The following LMBRD1 variants were observed in gnomAD, a reference collection of about 807,000 sequenced individuals.
The protein encoded by LMBRD1 is LMBR1 domain containing 1, also known as lysosomal cobalamin transport escort protein LMBD1.
In LMBRD1, 64 loss-of-function variants were observed where a neutral mutation model predicts 74.8. The ratio of observed to expected loss-of-function variants is 0.86; its 90% CI spans 0.70 to 1.05. LMBRD1 has a LOEUF of 1.05. Among genes scored for constraint, LMBRD1 ranks in the 50% least tolerant of loss-of-function variants. The pLI is 0.00. For missense variants in LMBRD1, 652 were observed against 645.9 expected, an observed-to-expected ratio of 1.01 and a Z score of -0.10; for synonymous variants, 204 against 216.3, an observed-to-expected ratio of 0.94 and a Z score of 0.50.
chr6:69,719,296 C>G (rs1187780449), intron 7 of LMBRD1, among the ~76,000 whole-genome samples: 1 of 151,956 alleles, frequency 6.6e-6, no homozygotes, highest in Non-Finnish European at 1.5e-5. Flanking sequence ...TACTATTCCT[C>G]AAAGGTTAAG....
intron 13 of LMBRD1, among the ~76,000 whole-genome samples, chr6:69,698,312 G>A (rs1210073639): frequency 6.6e-6 from 1 of 151,912 alleles, no homozygotes; most frequent in Non-Finnish European, 1.5e-5. Flanking sequence ...AAAGAATGAA[G>A]GAAGAACAGG....
chr6:69,785,260 T>C (rs776924120), intron 2 of LMBRD1, among the ~76,000 whole-genome samples: 6 of 152,212 alleles, frequency 3.9e-5, no homozygotes, highest in Non-Finnish European at 5.9e-5. Context: ...TTCTACACGA[T>C]AGAGAACTCC....
intron 9 of LMBRD1, among the ~76,000 whole-genome samples, chr6:69,703,516 A>G (rs1371000163): frequency 6.6e-6 from 1 of 152,062 alleles, no homozygotes; most frequent in African/African-American, 2.4e-5. Flanking sequence ...CCAAATCTGT[A>G]GAGATGACTG....
At position 69,681,632 on chromosome 6, in the gene LMBRD1, T is replaced by G. The variant is rs12526190; in HGVS notation, c.1418-5091A>C. Among the ~76,000 whole-genome samples the G allele has an allele frequency of 1.3e-3, 198 of 152,062 alleles. No individual in the cohort carries two copies. The Middle Eastern group carries it at 0.017, about 13-fold the overall frequency. On this transcript the variant is annotated intron_variant, in intron 14 of 15. Coordinates refer to ENST00000649934, the MANE Select transcript of LMBRD1 (RefSeq NM_018368.4). ...AAGCCTTATTTTACGTGTATATATA[T>G]AGAAGACATTTGAGAACACTCATGT...
chr6:69,697,745 T>A, intron 13 of LMBRD1, 104 bp from the exon 14 acceptor site: 1 of 645,406 alleles, frequency 1.5e-6, no homozygotes, highest in Non-Finnish European at 2.7e-6. Context: ...ACTAACTACA[T>A]CTATCTAACA....
chr6:69,705,865 AC>A, intron 9 of LMBRD1: 1 of 1,338,616 alleles, frequency 7.5e-7, no homozygotes, highest in Non-Finnish European at 1.1e-6. Flanking sequence ...CAACCGTAAG[AC>A]CACTGGTGGT....
At chr6:69,760,626 C>T (rs1166043825) in intron 3 of LMBRD1, among the ~76,000 whole-genome samples, 1 of 152,194 alleles carries the variant, frequency 6.6e-6, no homozygotes, top group African/African-American at 2.4e-5. Context: ...GATAACCCTG[C>T]TTCTGTATTC....
At chr6:69,763,367 T>C (rs1765412648) in intron 3 of LMBRD1, among the ~76,000 whole-genome samples, 1 of 151,940 alleles carries the variant, frequency 6.6e-6, no homozygotes, top group Non-Finnish European at 1.5e-5. Flanking sequence ...ATTTGATAAT[T>C]AGATTAGTGA....
chr6:69,686,464 C>T (rs899670218), intron 14 of LMBRD1, among the ~76,000 whole-genome samples: 8 of 151,346 alleles, frequency 5.3e-5, no homozygotes, highest in African/African-American at 1.7e-4. Context: ...CAAGTAGGCC[C>T]AAAGGAAAAA....
chr6:69,746,361 T>G (rs1019622843), intron 5 of LMBRD1: 1 of 153,578 alleles, frequency 6.5e-6, no homozygotes, highest in Non-Finnish European at 1.5e-5. Context: ...TGTGGCATCA[T>G]GGAGGGACTC....
intron 1 of LMBRD1, chr6:69,790,686 C>A: frequency 1.8e-6 from 1 of 553,598 alleles, no homozygotes; most frequent in Non-Finnish European, 3.2e-6. Context: ...CATACACACA[C>A]AATACTATTA....
At chr6:69,745,357 C>G (rs1767200890) in intron 5 of LMBRD1, among the ~76,000 whole-genome samples, 1 of 150,028 alleles carries the variant, frequency 6.7e-6, no homozygotes, top group Non-Finnish European at 1.5e-5. Context: ...TTCCCGGGTT[C>G]ACGCCATTCT....
intron 14 of LMBRD1, among the ~76,000 whole-genome samples, chr6:69,681,776 G>A (rs1217727407): frequency 6.6e-6 from 1 of 151,832 alleles, no homozygotes; most frequent in Non-Finnish European, 1.5e-5. Flanking sequence ...TGTGCCAATT[G>A]GTTCCTGATT....
intron 7 of LMBRD1, among the ~76,000 whole-genome samples, chr6:69,725,706 C>G (rs1041386222): frequency 2.0e-5 from 3 of 152,130 alleles, no homozygotes; most frequent in Non-Finnish European, 4.4e-5. Context: ...ATCTAGACCC[C>G]TATCTCTTGC....
intron 8 of LMBRD1, among the ~76,000 whole-genome samples, chr6:69,718,410 A>G (rs1224963397): frequency 6.6e-6 from 1 of 152,212 alleles, no homozygotes; most frequent in Non-Finnish European, 1.5e-5. Flanking sequence ...AGTGTCCTAC[A>G]TTACACAGAA....
intron 5 of LMBRD1, chr6:69,745,823 C>T (rs1767214131): frequency 6.5e-6 from 1 of 153,116 alleles, no homozygotes; most frequent in African/African-American, 2.4e-5. Flanking sequence ...CCCCATTCTA[C>T]AGAAAGCCTC....
chr6:69,772,033 C>T (rs560958797), intron 3 of LMBRD1, among the ~76,000 whole-genome samples: 3 of 152,220 alleles, frequency 2.0e-5, no homozygotes, highest in Admixed American at 6.5e-5. Context: ...CTTCTTGTTG[C>T]TATCCACAAG....
chr6:69,745,540 G>A (rs1582115619), intron 5 of LMBRD1, among the ~76,000 whole-genome samples: 1 of 151,940 alleles, frequency 6.6e-6, no homozygotes, highest in Non-Finnish European at 1.5e-5. Flanking sequence ...TTACAGGCGT[G>A]AGCCACCGCG....
At chr6:69,780,317 T>C (rs1373497496) in intron 3 of LMBRD1, among the ~76,000 whole-genome samples, 177 bp downstream of exon 3, 4 of 152,030 alleles carry the variant, frequency 2.6e-5, no homozygotes, top group African/African-American at 9.7e-5. Flanking sequence ...TATTTCTTTC[T>C]TCCCCCTTCT....
Sources: gnomAD v4.1 joint callset for allele counts (sites outside exome capture counted in the v4.1 genomes callset) on GRCh38, gnomAD v4.1.1 for gene constraint, MANE v1.5 for transcripts, NCBI Gene and HGNC (gene_info 2026-07-23, HGNC 2026-07-21) for gene names.